RAD18: variants seen among roughly 807,000 people sequenced by gnomAD.
The protein encoded by RAD18 is E3 ubiquitin-protein ligase RAD18.
Under a neutral mutation model 60.4 loss-of-function variants are expected in RAD18, and 47 were observed. That is an observed-to-expected ratio of 0.78 (90% CI 0.62 to 0.99). RAD18 has a LOEUF of 0.99. RAD18 is among the 50% of genes least tolerant of loss of function. The pLI, the probability that RAD18 is intolerant of heterozygous loss-of-function variation, is 0.00. For synonymous variants in RAD18, 225 were observed against 195.5 expected, an observed-to-expected ratio of 1.15 and a Z score of -1.26; for missense variants, 640 against 593.3, an observed-to-expected ratio of 1.08 and a Z score of -0.82.
intron 7 of RAD18, among the ~76,000 whole-genome samples, chr3:8,927,619 A>G (rs9825733): frequency 0.12 from 17,716 of 152,172 alleles, 3,394 homozygotes; most frequent in African/African-American, 0.4. Flanking sequence ...ACATATGTTT[A>G]TTGTGGCACT....
At chr3:8,943,374 G>A (rs11718594) in intron 4 of RAD18, among the ~76,000 whole-genome samples, 12,129 of 151,704 alleles carry the variant, frequency 0.08, 561 homozygotes, top group South Asian at 0.14. Flanking sequence ...AGTGTATTAT[G>A]AGAAATAAAA....
intron 9 of RAD18, among the ~76,000 whole-genome samples, chr3:8,909,759 T>C (rs1201485786): frequency 8.5e-5 from 13 of 152,200 alleles, no homozygotes; most frequent in Admixed American, 8.5e-4. Flanking sequence ...TGTCCAATCT[T>C]TTGGCTTCCC....
intron 6 of RAD18, among the ~76,000 whole-genome samples, chr3:8,937,545 C>A (rs1438135819): frequency 6.7e-6 from 1 of 150,134 alleles, no homozygotes; most frequent in African/African-American, 2.5e-5. Flanking sequence ...CAGCAGATGG[C>A]CTGTCAGAAT....
At chr3:8,931,120 C>T (rs545669684) in intron 7 of RAD18, among the ~76,000 whole-genome samples, 4 of 151,712 alleles carry the variant, frequency 2.6e-5, no homozygotes, top group Non-Finnish European at 5.9e-5. Flanking sequence ...ATATAAAAAT[C>T]CTATGAAATC....
intron 10 of RAD18, among the ~76,000 whole-genome samples, chr3:8,900,383 G>C (rs978270260): frequency 6.6e-6 from 1 of 152,168 alleles, no homozygotes; most frequent in Non-Finnish European, 1.5e-5. Flanking sequence ...AAGCAAGCTA[G>C]CAAACCAGGG....
intron 7 of RAD18, among the ~76,000 whole-genome samples, chr3:8,920,846 A>G (rs1282431921): frequency 1.3e-5 from 2 of 152,222 alleles, no homozygotes; most frequent in Non-Finnish European, 2.9e-5. Context: ...ATTACCACGA[A>G]ATGCAATATG....
intron 4 of RAD18, among the ~76,000 whole-genome samples, chr3:8,943,990 A>G (rs901314616): frequency 2.0e-5 from 3 of 152,192 alleles, no homozygotes; most frequent in African/African-American, 4.8e-5. Flanking sequence ...AGAGATAACA[A>G]GAGAAAACAA....
At chr3:8,932,845 C>T (rs1440415720) in intron 7 of RAD18, among the ~76,000 whole-genome samples, 3 of 152,168 alleles carry the variant, frequency 2.0e-5, no homozygotes, top group African/African-American at 7.2e-5. Flanking sequence ...TGCCTGTAAT[C>T]CCAGCATTTT....
chr3:8,912,536 T>G (rs1273927656), intron 8 of RAD18, 164 bp from the exon 9 acceptor site: 2 of 431,026 alleles, frequency 4.6e-6, no homozygotes, highest in Non-Finnish European at 8.0e-6. Context: ...GTACTTCCCT[T>G]AAATACCAGA....
chr3:8,895,507 T>C (rs1939767995), intron 11 of RAD18, among the ~76,000 whole-genome samples: 1 of 152,234 alleles, frequency 6.6e-6, no homozygotes, highest in Non-Finnish European at 1.5e-5. Context: ...TTACAAAGTT[T>C]CATTAATATA....
In RAD18 at chr3:8,921,590, T is replaced by A. The variant is rs141716893; in HGVS notation, c.890-7870A>T. On this transcript the variant is annotated intron_variant, in intron 7 of 12. Transcript: ENST00000264926. ...TGGAGTCCGAGGCTGCGGTGAACTATCATTGCGCCACTGCACTCCAACCTG... is the reference window on the plus strand; with the variant it reads ...TGGAGTCCGAGGCTGCGGTGAACTAACATTGCGCCACTGCACTCCAACCTG... 3.9e-3 allele frequency among the ~76,000 whole-genome samples: 596 copies of A among 151,982 alleles called. 5 individuals carry two copies. Among genetic ancestry groups the A allele is most frequent in the African/African-American group, 0.014 (575 of 41,458 alleles).
chr3:8,910,466 G>A (rs1467150003), intron 9 of RAD18, among the ~76,000 whole-genome samples: 2 of 152,142 alleles, frequency 1.3e-5, no homozygotes, highest in African/African-American at 2.4e-5. Flanking sequence ...CAGGCGTGGT[G>A]GCAGGCGCCT....
intron 4 of RAD18, 175 bp downstream of exon 4, chr3:8,947,044 AG>A: frequency 1.7e-6 from 1 of 585,802 alleles, no homozygotes; most frequent in Non-Finnish European, 3.0e-6. Context: ...TGTTAAGTAA[AG>A]GAAGAAAATC....
In RAD18 at chr3:8,877,574, G is replaced by C. The variant is rs138726356; in HGVS notation, c.*3783C>G. 1.2e-4 allele frequency: 19 copies of C among 152,308 alleles called. No homozygotes were observed. Among genetic ancestry groups the C allele is most frequent in the African/African-American group, 4.1e-4 (17 of 41,556 alleles). 9.4% of individuals were successfully genotyped at this position (152,308 alleles called of 1,614,324 possible). A position where few individuals can be genotyped will look rare whatever the true frequency, so the allele number is the denominator to read the frequency against. ...CTGATTTTCAAGCTTTCTATGGCAA[G>C]AGTTTATAGGCAAAAACAAAATCCG... On this transcript the variant is annotated 3_prime_UTR_variant, in exon 13 of 13. Coordinates refer to ENST00000264926, the MANE Select transcript of RAD18 (RefSeq NM_020165.4).
Position 8,894,759 on chromosome 3 carries a change from C to CGCTTTT in RAD18, c.1322+4134_1322+4135insAAAAGC, listed in dbSNP as rs769808735. 9.1e-5 allele frequency among the ~76,000 whole-genome samples: 11 copies of CGCTTTT among 120,778 alleles called. No individual in the cohort carries two copies. In the South Asian group the frequency reaches 1.9e-3, roughly 21 times the overall value. 79.2% of individuals were successfully genotyped at this position (120,778 alleles called of 152,430 possible). A position where few individuals can be genotyped will look rare whatever the true frequency, so the allele number is the denominator to read the frequency against. ...TCATGCACCACACCCAGTTTAAGCG[C>CGCTTTT]TTTTTTTTTTTTTTTTTTTGAGATG... On this transcript the variant is annotated intron_variant, in intron 11 of 12. Coordinates refer to ENST00000264926, the MANE Select transcript of RAD18 (RefSeq NM_020165.4).
At chr3:8,922,150 C>G (rs34573625) in intron 7 of RAD18, among the ~76,000 whole-genome samples, 5,481 of 152,204 alleles carry the variant, frequency 0.036, 335 homozygotes, top group African/African-American at 0.12. Flanking sequence ...ATCGCCTCAC[C>G]GGGGAAGCAC....
At chr3:8,915,950 G>A (rs1192842297) in intron 7 of RAD18, among the ~76,000 whole-genome samples, 1 of 152,130 alleles carries the variant, frequency 6.6e-6, no homozygotes, top group Non-Finnish European at 1.5e-5. Context: ...GTAGCTCACT[G>A]GGGAAGGGCA....
intron 7 of RAD18, among the ~76,000 whole-genome samples, chr3:8,920,293 A>AAG (rs1553626137): frequency 1.3e-5 from 2 of 151,340 alleles, no homozygotes; most frequent in African/African-American, 4.8e-5. Flanking sequence ...AAAAAAAAAA[A>AAG]AAAAAGAAAA....
intron 12 of RAD18, among the ~76,000 whole-genome samples, chr3:8,886,494 A>C (rs1018096906): frequency 6.6e-6 from 1 of 152,214 alleles, no homozygotes. Context: ...AGAACATAGA[A>C]TCTACTAGTG....
Sources: allele counts gnomAD v4.1 joint callset (sites outside exome capture counted in the v4.1 genomes callset), GRCh38; gene constraint gnomAD v4.1.1; transcripts MANE v1.5; gene names NCBI Gene and HGNC (gene_info 2026-07-23, HGNC 2026-07-21).